DLC1: variants seen among roughly 807,000 people sequenced by gnomAD.
DLC1 encodes DLC1 Rho GTPase activating protein.
Under a neutral mutation model 140.3 loss-of-function variants are expected in DLC1, and 54 were observed. The ratio of observed to expected loss-of-function variants is 0.38; its 90% CI spans 0.31 to 0.48. The LOEUF (loss-of-function observed/expected upper bound fraction) is 0.48, where lower values mean the gene tolerates loss of function less well. DLC1 is among the 20% of genes least tolerant of loss of function. The pLI, the probability that DLC1 is intolerant of heterozygous loss-of-function variation, is 0.96. For missense variants in DLC1, 2,536 were observed against 1,907.0 expected (o/e 1.33, Z -6.14); for synonymous variants, 986 against 728.1 (o/e 1.35, Z -5.70).
At chr8:13,540,461 G>T (rs959268508) in intron 1 of DLC1, among the ~76,000 whole-genome samples, 1 of 152,052 alleles carries the variant, frequency 6.6e-6, no homozygotes, top group Non-Finnish European at 1.5e-5. Context: ...TTAAGGAGAG[G>T]TTATTAACGT....
chr8:13,343,656 G>T (rs1834178550), intron 4 of DLC1, among the ~76,000 whole-genome samples: 1 of 152,196 alleles, frequency 6.6e-6, no homozygotes. Context: ...AAGTCAAGCT[G>T]TGAGTAAATG....
intron 5 of DLC1, among the ~76,000 whole-genome samples, chr8:13,275,291 T>C (rs10503445): frequency 0.067 from 10,249 of 152,336 alleles, 428 homozygotes; most frequent in South Asian, 0.17. Flanking sequence ...AGGACAATTA[T>C]GTGAAAATCA....
chr8:13,492,224 A>C (rs1801285831), intron 2 of DLC1, among the ~76,000 whole-genome samples: 1 of 151,872 alleles, frequency 6.6e-6, no homozygotes, highest in African/African-American at 2.4e-5. Flanking sequence ...ACAGCCCATA[A>C]GGCTGGCTCT....
At chr8:13,317,613 C>A (rs748915095) in intron 4 of DLC1, among the ~76,000 whole-genome samples, 67 of 152,056 alleles carry the variant, frequency 4.4e-4, no homozygotes, top group Middle Eastern at 3.4e-3. Flanking sequence ...AAGATCGCAT[C>A]TGTATTGGGC....
At chr8:13,135,254 G>C (rs13280448) in intron 5 of DLC1, among the ~76,000 whole-genome samples, 47,118 of 149,038 alleles carry the variant, frequency 0.32, 7,896 homozygotes, top group Admixed American at 0.46. Context: ...GCCCAGGCTG[G>C]AGTGCAGTGA....
At chr8:13,503,892 G>C (rs146979852) in intron 1 of DLC1, among the ~76,000 whole-genome samples, 21 of 152,234 alleles carry the variant, frequency 1.4e-4, no homozygotes, top group African/African-American at 4.6e-4. Flanking sequence ...CTATCTATCT[G>C]TGGTAAGTTT....
rs62492097 is a variant in DLC1, at chr8:13,546,406, G to C, written c.-125-46210C>G. Among the ~76,000 whole-genome samples, 39 of 152,136 alleles carry C rather than the reference G, an allele frequency of 2.6e-4. 2 individuals are homozygous for C. Among genetic ancestry groups the C allele is most frequent in the Non-Finnish European group, 4.1e-4 (28 of 67,990 alleles). On this transcript the variant is annotated intron_variant, in intron 1 of 1. Transcript: ENST00000631382. Reference sequence around the variant, plus strand: ...GAAATATTTTAGAACCCTTTAAAAAGCCATAACAGGATTGGATTGCATCCT... The same window carrying C: ...GAAATATTTTAGAACCCTTTAAAAACCCATAACAGGATTGGATTGCATCCT...
At chr8:13,447,221 C>G (rs73555445) in intron 2 of DLC1, among the ~76,000 whole-genome samples, 63 of 152,180 alleles carry the variant, frequency 4.1e-4, no homozygotes, top group Admixed American at 3.7e-3. Flanking sequence ...AAAATGTTTA[C>G]CTTGGCAGTC....
intron 2 of DLC1, among the ~76,000 whole-genome samples, chr8:13,463,482 T>C (rs139471989): frequency 1.3e-5 from 2 of 152,352 alleles, no homozygotes; most frequent in African/African-American, 4.8e-5. Flanking sequence ...GAATATTTCC[T>C]ACGGTGTTTT....
rs1319699981 is a variant in DLC1, at chr8:13,453,471, C to CATAT, written c.1023+45574_1023+45577dup. Reference sequence around the variant, plus strand: ...ATACATATATATATGTATATATATACATATATATGTATATATATACATATA... The same window carrying CATAT: ...ATACATATATATATGTATATATATACATATATATATATGTATATATATACATATA... On this transcript the variant is annotated intron_variant, in intron 2 of 17. Transcript: ENST00000276297. 7.3e-4 allele frequency among the ~76,000 whole-genome samples: 9 copies of CATAT among 12,386 alleles called. 1 individual carries two copies. Among genetic ancestry groups the CATAT allele is most frequent in the African/African-American group, 3.2e-3 (7 of 2,190 alleles). 8.1% of individuals were successfully genotyped at this position (12,386 alleles called of 152,430 possible).
chr8:13,592,451 T>G (rs943892653), intron 1 of DLC1, among the ~76,000 whole-genome samples: 5 of 151,644 alleles, frequency 3.3e-5, no homozygotes, highest in African/African-American at 1.2e-4. Flanking sequence ...TTTAATGTTC[T>G]ATATAGCTTA....
chr8:13,267,999 A>G (rs993924264), intron 5 of DLC1, among the ~76,000 whole-genome samples: 4 of 152,192 alleles, frequency 2.6e-5, no homozygotes, highest in African/African-American at 9.7e-5. Context: ...TGTGGAATCA[A>G]CAATGACTTA....
intron 5 of DLC1, among the ~76,000 whole-genome samples, chr8:13,297,298 T>TAAAAAAAAAAAAAAAAAAAAA (rs1831999414): frequency 2.7e-4 from 2 of 7,532 alleles, no homozygotes; most frequent in African/African-American, 8.8e-4. Flanking sequence ...AAAAAAAAAC[T>TAAAAAAAAAAAAAAAAAAAAA]GAAGCAAGTA....
At chr8:13,228,969 A>G (rs1828926791) in intron 5 of DLC1, among the ~76,000 whole-genome samples, 1 of 152,130 alleles carries the variant, frequency 6.6e-6, no homozygotes, top group African/African-American at 2.4e-5. Flanking sequence ...AGGGATTGGA[A>G]CCCTCATGCG....
At chr8:13,578,540 C>G (rs371036591) in intron 1 of DLC1, among the ~76,000 whole-genome samples, 1 of 152,108 alleles carries the variant, frequency 6.6e-6, no homozygotes, top group African/African-American at 2.4e-5. Context: ...CTGCAGATTC[C>G]TATAGCAGGT....
At chr8:13,453,042 A>T (rs1799141749) in intron 2 of DLC1, among the ~76,000 whole-genome samples, 1 of 152,052 alleles carries the variant, frequency 6.6e-6, no homozygotes, top group Admixed American at 6.6e-5. Flanking sequence ...ACAAAACCCT[A>T]TCAGGCAATT....
intron 4 of DLC1, among the ~76,000 whole-genome samples, chr8:13,359,332 A>G (rs1258772972): frequency 1.3e-5 from 2 of 152,126 alleles, no homozygotes; most frequent in Non-Finnish European, 2.9e-5. Flanking sequence ...TCCTTAACCC[A>G]TCAATTTGGC....
At chr8:13,595,677 C>T (rs146003821) in intron 1 of DLC1, among the ~76,000 whole-genome samples, 10 of 152,048 alleles carry the variant, frequency 6.6e-5, no homozygotes, top group Non-Finnish European at 1.0e-4. Context: ...CATATTTAAA[C>T]ATAAACATTC....
At chr8:13,521,709 G>C (rs974822372) in intron 1 of DLC1, among the ~76,000 whole-genome samples, 2 of 152,086 alleles carry the variant, frequency 1.3e-5, no homozygotes, top group African/African-American at 4.8e-5. Context: ...GAGTGAAGCA[G>C]GTATGAAATG....
Sources: gnomAD v4.1 joint callset for allele counts (sites outside exome capture counted in the v4.1 genomes callset) on GRCh38, gnomAD v4.1.1 for gene constraint, MANE v1.5 for transcripts, NCBI Gene and HGNC (gene_info 2026-07-23, HGNC 2026-07-21) for gene names.